GALC: variants seen among roughly 807,000 people sequenced by gnomAD.
GALC encodes galactosylceramidase.
GALC carries 77 observed loss-of-function variants against 91.8 expected under a neutral mutation model. The observed-to-expected ratio is 0.84, with a 90% CI of 0.70 to 1.01. The LOEUF is 1.01. Ranked by LOEUF, GALC falls within the 50% of genes least tolerant of loss-of-function variation. The pLI is 0.00. For synonymous variants in GALC, 357 were observed against 306.7 expected (o/e 1.16, Z -1.71); for missense variants, 882 against 855.9 (o/e 1.03, Z -0.38).
At chr14:87,978,820 A>C (rs1323744934) in intron 6 of GALC, among the ~76,000 whole-genome samples, 1 of 151,122 alleles carries the variant, frequency 6.6e-6, no homozygotes, top group East Asian at 1.9e-4. Context: ...CTTACATATC[A>C]GTAGCAAAAA....
intron 9 of GALC, among the ~76,000 whole-genome samples, chr14:87,965,241 G>T (rs1206285382): frequency 1.3e-5 from 2 of 151,936 alleles, no homozygotes; most frequent in African/African-American, 4.8e-5. Flanking sequence ...TTATTTATTT[G>T]TGTCTCTATC....
At position 87,949,856 on chromosome 14, in the gene GALC, C is replaced by A; in HGVS notation, c.1327G>T (p.Asp443Tyr). 2 of 1,568,070 alleles carry A rather than the reference C, an allele frequency of 1.3e-6. No individual in the cohort carries two copies. The highest frequency in any genetic ancestry group is 1.8e-6 in the Non-Finnish European group (2 of 1,139,194). Residue 443 changes from aspartate to tyrosine, a missense_variant, in exon 12 of 17, where the codon GAT becomes TAT. Coordinates refer to ENST00000261304, the MANE Select transcript of GALC (RefSeq NM_000153.4). ...TACTTTAAAATTACCCATAGAGAAT[C>A]CAGCTGCTTAAAAAGAAATCTTTCG... The part of the protein sequence containing the change: ...TSERFLFKQL[D>Y]SLWLLDSDGS...
At chr14:87,970,875 CAAA>C (rs557589251) in intron 7 of GALC, among the ~76,000 whole-genome samples, 2 of 62,978 alleles carry the variant, frequency 3.2e-5, no homozygotes, top group Admixed American at 1.6e-4. Context: ...GACTCTGTCT[CAAA>C]AAAAAAAAAA....
intron 14 of GALC, among the ~76,000 whole-genome samples, chr14:87,945,196 CA>C (rs945409774): frequency 9.9e-5 from 15 of 151,936 alleles, no homozygotes; most frequent in African/African-American, 3.6e-4. Flanking sequence ...ACCAGATCAA[CA>C]AATCAACTCT....
At chr14:87,963,584 G>T in intron 9 of GALC, 73 bp from the exon 10 acceptor site, 1 of 1,241,206 alleles carries the variant, frequency 8.1e-7, no homozygotes, top group Non-Finnish European at 1.2e-6. Context: ...AAAAAAAAAA[G>T]CTGTATATCA....
chr14:87,967,687 T>A (rs924198922), intron 8 of GALC, among the ~76,000 whole-genome samples: 1 of 152,172 alleles, frequency 6.6e-6, no homozygotes, highest in Non-Finnish European at 1.5e-5. Context: ...AGTGATGCCA[T>A]GAGGAATCAA....
At chr14:87,986,136 G>C (rs914247798) in intron 4 of GALC, among the ~76,000 whole-genome samples, 1 of 152,126 alleles carries the variant, frequency 6.6e-6, no homozygotes, top group Non-Finnish European at 1.5e-5. Flanking sequence ...TCTTGTGAAG[G>C]AAAGTAGTTT....
chr14:87,950,729 C>G lies in GALC; in HGVS notation c.1181G>C (p.Cys394Ser). Residue 394 changes from cysteine to serine, a missense_variant, in exon 11 of 17, where the codon TGC becomes TCC. Transcript: ENST00000261304. Reference protein sequence around the residue: ...IETMSHKHSKCIRPFLPYFNV... With the variant: ...IETMSHKHSKSIRPFLPYFNV... The stretch of plus-strand genomic sequence containing the variant: ...GAAATAAGGAAGAAATGGCCGTATG[C>G]ACTTAGAATGTTTATGACTCTGAAA... The G allele has an allele frequency of 6.3e-7, 1 of 1,588,998 alleles. No individual in the cohort carries two copies. The highest frequency in any genetic ancestry group is 8.6e-7 in the Non-Finnish European group (1 of 1,168,682).
At chr14:87,993,296 C>T (rs1887319610), upstream of GALC, 5 of 1,538,138 alleles carry the variant, frequency 3.3e-6, no homozygotes, top group South Asian at 4.8e-5. Flanking sequence ...TCTGACGCAG[C>T]TGGCGGAGTG....
intron 14 of GALC, among the ~76,000 whole-genome samples, chr14:87,941,865 A>C (rs1566969523): frequency 6.6e-6 from 1 of 151,984 alleles, no homozygotes; most frequent in East Asian, 1.9e-4. Context: ...AGAATACAAT[A>C]TTTTAAAATG....
At chr14:87,979,054 CT>C (rs1443213493) in intron 6 of GALC, among the ~76,000 whole-genome samples, 1 of 150,894 alleles carries the variant, frequency 6.6e-6, no homozygotes, top group African/African-American at 2.4e-5. Context: ...CTTTTCTTTT[CT>C]TTTGAGACAG....
chr14:87,951,187 A>G (rs1293275388), intron 10 of GALC, among the ~76,000 whole-genome samples: 3 of 151,820 alleles, frequency 2.0e-5, no homozygotes, highest in Non-Finnish European at 2.9e-5. Flanking sequence ...TATAGTATAT[A>G]TAGATATCAA....
chr14:87,939,979 C>T lies in GALC; in HGVS notation c.1837G>A (p.Gly613Arg). 3 of 1,606,808 alleles carry T rather than the reference C, an allele frequency of 1.9e-6. No individual in the cohort carries two copies. The East Asian group carries it at 6.7e-5, about 36-fold the overall frequency. ...CGTCCTAAAGCATATATAATCCATC[C>T]AGCTGTAACACAAAAATATTATCCC... ...GSYRVTGDLA[G>R]WIIYALGRVE... Residue 613 changes from glycine to arginine, a missense_variant and splice_region_variant, in exon 16 of 17, where the codon GGA becomes AGA. Gly to Arg is a moderately radical substitution (Grantham distance 125, BLOSUM62 -2). Transcript: ENST00000261304.
rs147263206 is a variant in GALC at position 87,954,068 on chromosome 14, T to C, written c.1162-3320A>G. On this transcript the variant is annotated intron_variant, in intron 10 of 16. Coordinates refer to ENST00000261304, the MANE Select transcript of GALC (RefSeq NM_000153.4). ...GCGAGACAGTACTACAATCAACATT[T>C]AGCAGTCAGTTATTAAATCTTGGGA... 863 of 1,609,818 alleles carry C rather than the reference T, an allele frequency of 5.4e-4. 5 individuals are homozygous for C. In the African/African-American group the frequency reaches 0.01, roughly 19 times the overall value.
chr14:87,975,339 C>A (rs11159832), intron 7 of GALC, among the ~76,000 whole-genome samples: 101,039 of 151,896 alleles, frequency 0.67, 34,196 homozygotes, highest in East Asian at 0.92. Flanking sequence ...AACCAATCAC[C>A]ATGCATGAAT....
intron 6 of GALC, among the ~76,000 whole-genome samples, chr14:87,977,334 T>C (rs1886542428): frequency 6.6e-6 from 1 of 152,164 alleles, no homozygotes; most frequent in Admixed American, 6.5e-5. Context: ...GCACAAACAG[T>C]ACCTACTTTA....
chr14:87,977,035 G>C (rs1255351935), intron 6 of GALC, among the ~76,000 whole-genome samples: 5 of 113,458 alleles, frequency 4.4e-5, no homozygotes, highest in Admixed American at 1.8e-4. Context: ...AGAAATATGG[G>C]GGGGGGGGGA....
intron 7 of GALC, among the ~76,000 whole-genome samples, chr14:87,970,875 C>CA (rs557589251): frequency 0.052 from 3,240 of 62,286 alleles, 204 homozygotes; most frequent in African/African-American, 0.15. Context: ...GACTCTGTCT[C>CA]AAAAAAAAAA....
chr14:87,964,127 C>T (rs1224183253), intron 9 of GALC, among the ~76,000 whole-genome samples: 1 of 151,698 alleles, frequency 6.6e-6, no homozygotes, highest in Admixed American at 6.6e-5. Flanking sequence ...TATACAAGTC[C>T]AATATACAAG....
Sources: allele counts gnomAD v4.1 joint callset (sites outside exome capture counted in the v4.1 genomes callset), GRCh38; gene constraint gnomAD v4.1.1; transcripts MANE v1.5; gene names NCBI Gene and HGNC (gene_info 2026-07-23, HGNC 2026-07-21).